WDFY2: variants seen among roughly 807,000 people sequenced by gnomAD.
The protein encoded by WDFY2 is WD repeat and FYVE domain containing 2.
In WDFY2, 36 loss-of-function variants were observed where a neutral mutation model predicts 56.4. That is an observed-to-expected ratio of 0.64 (90% CI 0.49 to 0.84). The LOEUF (loss-of-function observed/expected upper bound fraction) is 0.84. Ranked by LOEUF, WDFY2 falls within the 40% of genes least tolerant of loss-of-function variation. The probability of loss-of-function intolerance (pLI) is 0.00; values close to 1 mark genes in which losing one functional copy is unlikely to be tolerated. For synonymous variants in WDFY2, 176 were observed against 183.7 expected (o/e 0.96, Z 0.34); for missense variants, 444 against 512.2 (o/e 0.87, Z 1.29).
intron 1 of WDFY2, among the ~76,000 whole-genome samples, chr13:51,598,183 A>C (rs1415339738): frequency 7.2e-5 from 11 of 152,080 alleles, no homozygotes; most frequent in Non-Finnish European, 2.9e-5. Flanking sequence ...AACATGGTGA[A>C]ACCCTGTCTC....
intron 3 of WDFY2, among the ~76,000 whole-genome samples, chr13:51,675,714 A>C (rs937056781): frequency 1.3e-5 from 2 of 152,186 alleles, no homozygotes; most frequent in African/African-American, 4.8e-5. Context: ...TCCCTTTAGC[A>C]TCTGAATAGA....
intron 10 of WDFY2, among the ~76,000 whole-genome samples, chr13:51,757,225 A>T (rs1230710530): frequency 6.6e-6 from 1 of 152,142 alleles, no homozygotes; most frequent in Non-Finnish European, 1.5e-5. Flanking sequence ...ATTTATGTTC[A>T]TTGATTATTT....
chr13:51,635,719 G>T lies in WDFY2; in HGVS notation c.138-24877G>T, dbSNP rs572225264. ...CACTACAGTTTCTCACTTCTAAAGG[G>T]GAAGTGAAAACAGGATCTCTCTTAC... On this transcript the variant is annotated intron_variant, in intron 1 of 11. Transcript: ENST00000298125. Among the ~76,000 whole-genome samples the T allele has an allele frequency of 1.1e-4, 16 of 152,234 alleles. No homozygotes were observed. In the South Asian group the frequency reaches 3.3e-3, roughly 32 times the overall value.
chr13:51,745,973 C>CTTTTT (rs59572351), intron 7 of WDFY2, among the ~76,000 whole-genome samples: 292 of 100,542 alleles, frequency 2.9e-3, no homozygotes, highest in African/African-American at 4.4e-3. Context: ...TTTTCTTTTT[C>CTTTTT]TTTTTTTTTT....
chr13:51,752,414 G>T (rs1262009470), intron 8 of WDFY2, among the ~76,000 whole-genome samples: 1 of 152,240 alleles, frequency 6.6e-6, no homozygotes, highest in Non-Finnish European at 1.5e-5. Context: ...TGTGATGAGT[G>T]CTGGTCATGC....
rs570654038 is a variant in WDFY2 at position 51,656,851 on chromosome 13, T to G, written c.138-3745T>G. 7.9e-5 allele frequency among the ~76,000 whole-genome samples: 12 copies of G among 152,186 alleles called. No homozygotes were observed. The South Asian group carries it at 2.1e-3, about 26-fold the overall frequency. On this transcript the variant is annotated intron_variant, in intron 1 of 11. Transcript: ENST00000298125. ...GAATGTCTTTTTTATTGTTTCATTT[T>G]CAACCTATTTGTGTCTTTGGGTTTA...
At chr13:51,734,512 AC>A (rs755629304) in intron 6 of WDFY2, among the ~76,000 whole-genome samples, 3 of 152,298 alleles carry the variant, frequency 2.0e-5, no homozygotes, top group South Asian at 4.1e-4. Flanking sequence ...AATTATGAAA[AC>A]TTTTATTTTA....
At chr13:51,675,918 T>C (rs1418980644) in intron 3 of WDFY2, among the ~76,000 whole-genome samples, 7 of 152,232 alleles carry the variant, frequency 4.6e-5, no homozygotes, top group Admixed American at 4.6e-4. Context: ...TATTAACTAA[T>C]AACAAGACTG....
At chr13:51,672,640 A>G (rs1001394125) in intron 2 of WDFY2, among the ~76,000 whole-genome samples, 1 of 152,038 alleles carries the variant, frequency 6.6e-6, no homozygotes, top group African/African-American at 2.4e-5. Flanking sequence ...TTTTGGCGGT[A>G]TGTTCATTTT....
chr13:51,695,088 T>A (rs1951837489), intron 3 of WDFY2, among the ~76,000 whole-genome samples: 1 of 152,180 alleles, frequency 6.6e-6, no homozygotes, highest in South Asian at 2.1e-4. Flanking sequence ...TTCGTCTAAA[T>A]TTTTTTCAAA....
chr13:51,621,806 G>A (rs1055122892), intron 1 of WDFY2, among the ~76,000 whole-genome samples: 1 of 152,000 alleles, frequency 6.6e-6, no homozygotes, highest in African/African-American at 2.4e-5. Flanking sequence ...CAGCCATGTG[G>A]TACTAATGAC....
intron 2 of WDFY2, 106 bp downstream of exon 2, chr13:51,660,769 A>G (rs773563080): frequency 1.3e-5 from 12 of 950,684 alleles, no homozygotes; most frequent in East Asian, 2.5e-5. Flanking sequence ...GATTCTCATT[A>G]TAATGAAAAG....
At chr13:51,629,920 T>C (rs1761654139) in intron 1 of WDFY2, among the ~76,000 whole-genome samples, 1 of 150,174 alleles carries the variant, frequency 6.7e-6, no homozygotes, top group Non-Finnish European at 1.5e-5. Context: ...AAACCACTCA[T>C]GATCCCACAA....
At chr13:51,690,596 T>C (rs535321981) in intron 3 of WDFY2, among the ~76,000 whole-genome samples, 122 of 152,214 alleles carry the variant, frequency 8.0e-4, no homozygotes, top group African/African-American at 2.8e-3. Context: ...AGTCTATCAT[T>C]GTTGGACATT....
rs1248094530 is a variant in WDFY2, at chr13:51,586,364, G to T, written c.137+1540G>T. ...TGGAAAATTCATAAGCAAATTCATG[G>T]AATCAAGAAAAGGAGAAGGGTAGTT... On this transcript the variant is annotated intron_variant, in intron 1 of 11. Transcript: ENST00000298125. 7 of 289,104 alleles carry T rather than the reference G, an allele frequency of 2.4e-5. No individual in the cohort carries two copies. In the East Asian group the frequency reaches 4.0e-4, roughly 16 times the overall value. 17.9% of individuals were successfully genotyped at this position (289,104 alleles called of 1,614,324 possible). A position where few individuals can be genotyped will look rare whatever the true frequency, so the allele number is the denominator to read the frequency against.
chr13:51,618,716 C>T (rs968098375), intron 1 of WDFY2, among the ~76,000 whole-genome samples: 6 of 152,232 alleles, frequency 3.9e-5, no homozygotes, highest in Non-Finnish European at 5.9e-5. Context: ...TGTTGCATCA[C>T]GGCCTGTGGC....
intron 4 of WDFY2, among the ~76,000 whole-genome samples, chr13:51,710,778 G>A (rs534797289): frequency 5.1e-4 from 77 of 152,040 alleles, no homozygotes; most frequent in African/African-American, 1.3e-3. Context: ...ACTGCTCAAC[G>A]AAATAAAAGA....
intron 2 of WDFY2, among the ~76,000 whole-genome samples, chr13:51,668,694 C>T (rs1159065673): frequency 6.6e-6 from 1 of 152,102 alleles, no homozygotes; most frequent in African/African-American, 2.4e-5. Context: ...ACCAGGATAC[C>T]GTTAGCACCT....
At chr13:51,662,385 T>A (rs894494009) in intron 2 of WDFY2, among the ~76,000 whole-genome samples, 29 of 152,144 alleles carry the variant, frequency 1.9e-4, no homozygotes, top group Admixed American at 3.3e-4. Context: ...CAAGTTGAAG[T>A]TGGCCTCAGA....
Sources: allele counts gnomAD v4.1 joint callset (sites outside exome capture counted in the v4.1 genomes callset), GRCh38; gene constraint gnomAD v4.1.1; transcripts MANE v1.5; gene names NCBI Gene and HGNC (gene_info 2026-07-23, HGNC 2026-07-21).